Variants in TMEM232 observed in about 807,000 individuals in gnomAD.
TMEM232 encodes the protein transmembrane protein 232.
A neutral mutation model predicts 78.8 loss-of-function variants in TMEM232; 80 were observed. That is an observed-to-expected ratio of 1.01 (90% confidence interval 0.85 to 1.22). TMEM232 has a LOEUF of 1.22. Among genes scored for constraint, TMEM232 ranks in the 50% most tolerant of loss-of-function variants. TMEM232 has a pLI of 0.00. For synonymous variants in TMEM232, 297 were observed against 254.3 expected (o/e 1.17, Z -1.60); for missense variants, 881 against 742.2 (o/e 1.19, Z -2.17).
At chr5:110,664,881 G>A (rs1016663701) in intron 2 of TMEM232, among the ~76,000 whole-genome samples, 3 of 152,138 alleles carry the variant, frequency 2.0e-5, no homozygotes, top group Admixed American at 6.6e-5. Context: ...ATCACATTGG[G>A]TTACAATTTC....
At chr5:110,460,653 ACAGATATTG>A (rs1427999830) in intron 12 of TMEM232, among the ~76,000 whole-genome samples, 1 of 150,384 alleles carries the variant, frequency 6.6e-6, no homozygotes, top group African/African-American at 2.5e-5. Flanking sequence ...ATTGAATTGC[ACAGATATTG>A]CATTTTTCTT....
At chr5:110,673,823 C>T (rs1052508974) in intron 1 of TMEM232, among the ~76,000 whole-genome samples, 1 of 152,080 alleles carries the variant, frequency 6.6e-6, no homozygotes, top group Non-Finnish European at 1.5e-5. Context: ...TATGGCCATA[C>T]GAATGGGGTT....
chr5:110,393,958 CAAAAA>C (rs201803686), intron 3 of TMEM232, among the ~76,000 whole-genome samples: 1 of 60,762 alleles, frequency 1.6e-5, no homozygotes, highest in Admixed American at 1.8e-4. Context: ...AACTTCATCT[CAAAAA>C]AAAAAAAAAA....
intron 12 of TMEM232, among the ~76,000 whole-genome samples, chr5:110,504,339 G>A (rs116962625): frequency 6.6e-6 from 1 of 152,246 alleles, no homozygotes; most frequent in East Asian, 1.9e-4. Flanking sequence ...TTTAAATATC[G>A]TGCTTTCAAA....
At chr5:110,553,714 T>C (rs1012291920) in intron 11 of TMEM232, among the ~76,000 whole-genome samples, 13 of 152,204 alleles carry the variant, frequency 8.5e-5, no homozygotes, top group African/African-American at 3.1e-4. Context: ...CTTTATTTCA[T>C]GTCTTGCCTG....
In TMEM232 at chr5:110,419,788, A is replaced by G. The variant is rs1369718288; in HGVS notation, c.*792T>C. ...TATCTATATTTTTCAGTTTTCAGGA[A>G]AGGAATATAAGACATCACAAAAACT... On this transcript the variant is annotated 3_prime_UTR_variant, in exon 14 of 14. Coordinates refer to ENST00000455884, the MANE Select transcript of TMEM232 (RefSeq NM_001039763.4). Among the ~76,000 whole-genome samples the G allele has an allele frequency of 6.6e-6, 1 of 152,124 alleles. No individual in the cohort carries two copies. The highest frequency in any genetic ancestry group is 2.4e-5 in the African/African-American group (1 of 41,438).
intron 1 of TMEM232, among the ~76,000 whole-genome samples, chr5:110,700,793 GA>G (rs1795348970): frequency 7.0e-6 from 1 of 143,294 alleles, no homozygotes; most frequent in African/African-American, 2.6e-5. Context: ...TAGGTAGATA[GA>G]TAGATAGATA....
chr5:110,468,252 T>C lies in TMEM232; in HGVS notation c.1704-43336A>G, dbSNP rs1178201376. ...AATAATCACCAATCCAAAATTATCT[T>C]CCCAGTGAAAATAAATAAATATATT... On this transcript the variant is annotated intron_variant, in intron 12 of 13. Coordinates refer to ENST00000455884, the MANE Select transcript of TMEM232 (RefSeq NM_001039763.4). Among the ~76,000 whole-genome samples, 3 of 152,228 alleles carry C rather than the reference T, an allele frequency of 2.0e-5. No individual in the cohort carries two copies. In the East Asian group the frequency reaches 5.8e-4, roughly 29 times the overall value.
intron 12 of TMEM232, among the ~76,000 whole-genome samples, chr5:110,514,536 A>G (rs1768311783): frequency 6.6e-6 from 1 of 152,122 alleles, no homozygotes; most frequent in East Asian, 1.9e-4. Flanking sequence ...AGAGCAATGT[A>G]TAGCTTTTTA....
chr5:110,612,182 C>T (rs1183923679), intron 8 of TMEM232, among the ~76,000 whole-genome samples: 1 of 152,058 alleles, frequency 6.6e-6, no homozygotes, highest in Non-Finnish European at 1.5e-5. Flanking sequence ...GCTAAACAGA[C>T]CCTGGGGTTC....
chr5:110,727,145 A>G (rs894908308), upstream of TMEM232, among the ~76,000 whole-genome samples: 5 of 152,238 alleles, frequency 3.3e-5, no homozygotes, highest in African/African-American at 1.2e-4. Flanking sequence ...GCGAATTTAA[A>G]CACAAAAGAA....
chr5:110,657,211 A>C (rs1265780039), intron 2 of TMEM232, among the ~76,000 whole-genome samples: 1 of 152,240 alleles, frequency 6.6e-6, no homozygotes, highest in African/African-American at 2.4e-5. Context: ...AAAACTAAAA[A>C]TAGAACTGCC....
intron 1 of TMEM232, among the ~76,000 whole-genome samples, chr5:110,692,647 GATT>G (rs1484337894): frequency 6.6e-6 from 1 of 152,224 alleles, no homozygotes; most frequent in Non-Finnish European, 1.5e-5. Flanking sequence ...CACACCAGGA[GATT>G]ATATCTCACA....
chr5:110,707,604 A>C (rs889557672), intron 1 of TMEM232, among the ~76,000 whole-genome samples: 3 of 152,244 alleles, frequency 2.0e-5, no homozygotes, highest in Non-Finnish European at 2.9e-5. Context: ...TGCAATTCCC[A>C]GGCAACAACT....
chr5:110,695,534 A>T (rs1794665782), intron 1 of TMEM232, among the ~76,000 whole-genome samples: 1 of 152,188 alleles, frequency 6.6e-6, no homozygotes. Context: ...TGAAAAGATC[A>T]ACAAAATTGA....
chr5:110,702,452 C>G (rs567539326), intron 1 of TMEM232, among the ~76,000 whole-genome samples: 1 of 151,978 alleles, frequency 6.6e-6, no homozygotes, highest in African/African-American at 2.4e-5. Context: ...GTATCTCACT[C>G]TGTAGAAGCT....
intron 12 of TMEM232, among the ~76,000 whole-genome samples, chr5:110,442,413 T>C (rs1040115105): frequency 2.0e-5 from 3 of 152,006 alleles, no homozygotes; most frequent in Non-Finnish European, 4.4e-5. Context: ...ATTAAGAGAC[T>C]CTGATGCATT....
At chr5:110,731,782 A>T (rs1430726016) in intron 2 of TMEM232, among the ~76,000 whole-genome samples, 1 of 152,188 alleles carries the variant, frequency 6.6e-6, no homozygotes, top group Non-Finnish European at 1.5e-5. Flanking sequence ...AAAGTCTCCA[A>T]CATGGCCTGG....
chr5:110,395,321 C>T (rs866856268), intron 3 of TMEM232, among the ~76,000 whole-genome samples: 1 of 152,144 alleles, frequency 6.6e-6, no homozygotes, highest in South Asian at 2.1e-4. Flanking sequence ...TACTGATCTT[C>T]TGTGTGAACA....
Sources: allele counts gnomAD v4.1 joint callset (sites outside exome capture counted in the v4.1 genomes callset), GRCh38; gene constraint gnomAD v4.1.1; transcripts MANE v1.5; gene names NCBI Gene and HGNC (gene_info 2026-07-23, HGNC 2026-07-21).